The following COBL variants were observed in gnomAD, a reference collection of about 807,000 sequenced individuals.
COBL encodes the protein cordon-bleu WH2 repeat protein.
In COBL, 51 loss-of-function variants were observed where a neutral mutation model predicts 98.8. The observed-to-expected ratio is 0.52, with a 90% CI of 0.41 to 0.65. COBL has a LOEUF of 0.65. Among genes scored for constraint, COBL ranks in the 30% least tolerant of loss-of-function variants. The pLI is 0.00. For synonymous variants in COBL, 634 were observed against 651.7 expected (o/e 0.97, Z 0.41); for missense variants, 1,617 against 1,617.5 (o/e 1.00, Z 0.01).
At chr7:51,165,081 A>G (rs111466677) in intron 5 of COBL, among the ~76,000 whole-genome samples, 4,728 of 152,110 alleles carry the variant, frequency 0.031, 106 homozygotes, top group Non-Finnish European at 0.047. Flanking sequence ...GGAGGGAGAG[A>G]GGACCAGAAA....
Position 51,029,432 on chromosome 7 carries a change from C to G in COBL, c.1664G>C (p.Gly555Ala). The change falls in exon 10 of 13, where the codon GGG (glycine) becomes GCG (alanine). Residue 555 changes from glycine to alanine, a missense_variant. By Grantham distance (60) the Gly-to-Ala change is moderately conservative. Transcript: ENST00000265136. ...ATTGTTGTTTCTATTGGAAAACAACCCCGAATCCACAGGATCATCTGAAAC... is the reference window on the plus strand; with the variant it reads ...ATTGTTGTTTCTATTGGAAAACAACGCCGAATCCACAGGATCATCTGAAAC... ...GEVSDDPVDS[G>A]LFSNRNNNAG... is the part of the protein sequence containing the mutation. The G allele has an allele frequency of 6.2e-7, 1 of 1,614,076 alleles. No homozygotes were observed. Among genetic ancestry groups the G allele is most frequent in the Non-Finnish European group, 8.5e-7 (1 of 1,180,022 alleles).
rs1158307731 is a variant in COBL, at chr7:51,027,875, G to A, written c.3221C>T (p.Ser1074Phe). 6.2e-7 allele frequency: 1 copy of A among 1,614,238 alleles called. No homozygotes were observed. Among genetic ancestry groups the A allele is most frequent in the Admixed American group, 1.7e-5 (1 of 60,028 alleles). The change falls in exon 10 of 13, where the codon TCT becomes TTT. Residue 1074 changes from serine (S) to phenylalanine (F), a missense_variant. Around this residue, in one of 3 missense-constraint regions of COBL, gnomAD observed 1,304 missense variants for 1,282.0 expected, o/e 1.02. Coordinates refer to ENST00000265136, the MANE Select transcript of COBL (RefSeq NM_015198.5). ...ACTGTCTGTTTCATTTCCATCTGTA[G>A]AGAACACACTGGGCTTTTCCTCTCT... ...LEREEKPSVF[S>F]TDGNETDSIW...
intron 7 of COBL, chr7:51,072,758 T>A (rs967950150): frequency 1.3e-5 from 2 of 152,230 alleles, no homozygotes; most frequent in Non-Finnish European, 2.9e-5. Flanking sequence ...TTCTTTCTTT[T>A]TAGTGAACTA....
At chr7:51,237,110 T>C (rs1795325833) in intron 1 of COBL, among the ~76,000 whole-genome samples, 1 of 152,240 alleles carries the variant, frequency 6.6e-6, no homozygotes. Context: ...TGCCCAGCTC[T>C]GGGCCTGGCC....
intron 7 of COBL, among the ~76,000 whole-genome samples, chr7:51,078,920 G>T (rs1052396577): frequency 7.2e-5 from 11 of 152,224 alleles, no homozygotes; most frequent in South Asian, 2.1e-4. Flanking sequence ...CGTGGTGGCT[G>T]GCTTTCCTCA....
At chr7:51,170,190 C>T (rs1021446736) in intron 5 of COBL, among the ~76,000 whole-genome samples, 1 of 151,948 alleles carries the variant, frequency 6.6e-6, no homozygotes, top group Non-Finnish European at 1.5e-5. Flanking sequence ...AAAACATCTA[C>T]ACTTTTCTTT....
At chr7:51,151,863 AC>A (rs1184320681) in intron 5 of COBL, among the ~76,000 whole-genome samples, 2 of 152,148 alleles carry the variant, frequency 1.3e-5, no homozygotes, top group East Asian at 3.9e-4. Flanking sequence ...CTCCTGGGAG[AC>A]CCCACGGACA....
intron 1 of COBL, among the ~76,000 whole-genome samples, chr7:51,299,880 A>G (rs897391067): frequency 6.6e-6 from 1 of 152,192 alleles, no homozygotes; most frequent in South Asian, 2.1e-4. Flanking sequence ...GGCACCATCA[A>G]TGACCATGCA....
intron 1 of COBL, among the ~76,000 whole-genome samples, chr7:51,289,060 G>C (rs911170783): frequency 1.3e-5 from 2 of 152,184 alleles, no homozygotes; most frequent in Non-Finnish European, 1.5e-5. Context: ...GCCCTGCATA[G>C]TCTAAAGTCA....
intron 1 of COBL, among the ~76,000 whole-genome samples, chr7:51,251,777 A>C (rs997385292): frequency 9.9e-5 from 15 of 152,228 alleles, no homozygotes; most frequent in Admixed American, 9.2e-4. Context: ...CAAGCCTAAA[A>C]AAATGTTGAA....
intron 6 of COBL, among the ~76,000 whole-genome samples, chr7:51,113,849 T>C (rs1346786931): frequency 6.6e-6 from 1 of 152,244 alleles, no homozygotes; most frequent in Non-Finnish European, 1.5e-5. Flanking sequence ...GTCTGTTTTA[T>C]ATTCATTGTC....
intron 1 of COBL, among the ~76,000 whole-genome samples, chr7:51,232,031 C>T (rs1794803934): frequency 6.6e-6 from 1 of 152,152 alleles, no homozygotes; most frequent in South Asian, 2.1e-4. Context: ...GGGATTGACG[C>T]TGTCATTCAG....
intron 12 of COBL, among the ~76,000 whole-genome samples, chr7:51,020,605 A>C (rs918761111): frequency 6.6e-6 from 1 of 152,248 alleles, no homozygotes; most frequent in African/African-American, 2.4e-5. Flanking sequence ...TCAGACGCAT[A>C]CAGCTTTGCC....
intron 1 of COBL, among the ~76,000 whole-genome samples, chr7:51,310,400 G>T (rs1323000945): frequency 6.6e-6 from 1 of 152,144 alleles, no homozygotes; most frequent in East Asian, 1.9e-4. Flanking sequence ...TAATCCTCCC[G>T]CTGTCTGCCT....
At chr7:51,273,890 C>T (rs1367138118) in intron 1 of COBL, among the ~76,000 whole-genome samples, 28 of 152,066 alleles carry the variant, frequency 1.8e-4, no homozygotes, top group Non-Finnish European at 2.9e-5. Context: ...GTCATCGAAC[C>T]GCCACAGTTC....
chr7:51,168,599 T>C (rs1196205291), intron 5 of COBL, among the ~76,000 whole-genome samples: 1 of 152,150 alleles, frequency 6.6e-6, no homozygotes, highest in African/African-American at 2.4e-5. Context: ...ATGGCTTATA[T>C]CCAAAAGACA....
chr7:51,061,756 G>C (rs533881410), intron 7 of COBL, among the ~76,000 whole-genome samples: 2 of 152,276 alleles, frequency 1.3e-5, no homozygotes, highest in Admixed American at 1.3e-4. Flanking sequence ...TGTTCTCTGT[G>C]TTTGAGCTGG....
chr7:51,150,199 G>A (rs1288681583), intron 5 of COBL, among the ~76,000 whole-genome samples: 1 of 152,302 alleles, frequency 6.6e-6, no homozygotes, highest in South Asian at 2.1e-4. Flanking sequence ...AGTGACTTGT[G>A]TATCCCAGAA....
chr7:51,118,653 G>T (rs1389692104), intron 6 of COBL, among the ~76,000 whole-genome samples: 1 of 151,998 alleles, frequency 6.6e-6, no homozygotes, highest in Non-Finnish European at 1.5e-5. Flanking sequence ...TCACATTAGG[G>T]TGTGTTGGTC....
Sources: allele counts gnomAD v4.1 joint callset (sites outside exome capture counted in the v4.1 genomes callset), GRCh38; gene constraint gnomAD v4.1.1; regional missense constraint gnomAD v4.1.1; transcripts MANE v1.5; gene names NCBI Gene and HGNC (gene_info 2026-07-23, HGNC 2026-07-21).